The following PIP4K2A variants were observed in gnomAD, a reference collection of about 807,000 sequenced individuals.
PIP4K2A encodes the protein phosphatidylinositol 5-phosphate 4-kinase type-2 alpha.
PIP4K2A carries 14 observed loss-of-function variants against 42.9 expected under a neutral mutation model. That is an observed-to-expected ratio of 0.33 (90% CI 0.22 to 0.51). The LOEUF (loss-of-function observed/expected upper bound fraction) is 0.51. Among genes scored for constraint, PIP4K2A ranks in the 20% least tolerant of loss-of-function variants. PIP4K2A has a pLI of 0.97. For synonymous variants in PIP4K2A, 192 were observed against 192.2 expected (o/e 1.00, Z 0.01); for missense variants, 434 against 519.8 (o/e 0.83, Z 1.61).
intron 1 of PIP4K2A, among the ~76,000 whole-genome samples, chr10:22,666,782 T>C (rs1320956431): frequency 6.6e-6 from 1 of 152,198 alleles, no homozygotes; most frequent in Non-Finnish European, 1.5e-5. Context: ...CTACTACCCC[T>C]TTGCTCCCCG....
rs568047005 is a variant in PIP4K2A at position 22,652,490 on chromosome 10, C to G, written c.145-42773G>C. Among the ~76,000 whole-genome samples the G allele has an allele frequency of 1.4e-4, 22 of 152,264 alleles. No individual in the cohort carries two copies. The South Asian group carries it at 4.6e-3, about 32-fold the overall frequency. On this transcript the variant is annotated intron_variant, in intron 1 of 9. Transcript: ENST00000376573. The stretch of plus-strand genomic sequence containing the variant: ...ACTGAATTGTGACATTTTGAGACAT[C>G]TCCCTCTGCAAAGCAATGTCTTCGT...
In PIP4K2A at chr10:22,540,130, T is replaced by C. The variant is rs112020551; in HGVS notation, c.1037-56A>G. On this transcript the variant is annotated intron_variant, in intron 8 of 9. Coordinates refer to ENST00000376573, the MANE Select transcript of PIP4K2A (RefSeq NM_005028.5). ...ACATGTGACAACACCAGTGCCAGCA[T>C]TGCTGCTGAGGGAGGGAGGGAGGGA... The C allele has an allele frequency of 3.9e-3, 3,430 of 872,662 alleles. 82 individuals carry two copies. In the African/African-American group the frequency reaches 0.047, roughly 12 times the overall value. 54.1% of individuals were successfully genotyped at this position (872,662 alleles called of 1,614,324 possible).
chr10:22,659,397 G>C (rs1052187142), intron 1 of PIP4K2A, among the ~76,000 whole-genome samples: 3 of 152,120 alleles, frequency 2.0e-5, no homozygotes, highest in Non-Finnish European at 4.4e-5. Context: ...GTTTGAGACC[G>C]GCCTAGCCAA....
intron 1 of PIP4K2A, among the ~76,000 whole-genome samples, chr10:22,683,629 G>T (rs1003270254): frequency 6.6e-6 from 1 of 152,134 alleles, no homozygotes; most frequent in African/African-American, 2.4e-5. Flanking sequence ...CCCTCAAGCA[G>T]CAACTGCTTT....
At chr10:22,636,671 A>C (rs1227517591) in intron 1 of PIP4K2A, among the ~76,000 whole-genome samples, 1 of 152,222 alleles carries the variant, frequency 6.6e-6, no homozygotes, top group Admixed American at 6.5e-5. Flanking sequence ...ATGTCCTTCA[A>C]GTCTGTAGTA....
chr10:22,545,448 C>A (rs1836238106), intron 7 of PIP4K2A, among the ~76,000 whole-genome samples: 1 of 152,236 alleles, frequency 6.6e-6, no homozygotes, highest in African/African-American at 2.4e-5. Context: ...CAGGGTGAGC[C>A]TCCAGGGCCC....
rs369982282 is a variant in PIP4K2A at position 22,694,824 on chromosome 10, GT to G, written c.144+19358del. On this transcript the variant is annotated intron_variant, in intron 1 of 9. Transcript: ENST00000376573. ...TTAAAATTTTCAATAAATGTAAAAA[GT>G]TTTTTATTTTCAACCCTCTTTATCC... is the stretch of plus-strand genomic sequence containing the variant. Among the ~76,000 whole-genome samples, 25 of 152,194 alleles carry G rather than the reference GT, an allele frequency of 1.6e-4. 1 individual carries two copies. The highest frequency in any genetic ancestry group is 5.5e-4 in the African/African-American group (23 of 41,506).
At chr10:22,651,068 C>T (rs1183619965) in intron 1 of PIP4K2A, among the ~76,000 whole-genome samples, 2 of 152,176 alleles carry the variant, frequency 1.3e-5, no homozygotes, top group African/African-American at 2.4e-5. Context: ...TTAACATCTC[C>T]ATTTAGAGGG....
At chr10:22,632,569 C>A (rs1334360384) in intron 1 of PIP4K2A, among the ~76,000 whole-genome samples, 1 of 152,186 alleles carries the variant, frequency 6.6e-6, no homozygotes, top group Non-Finnish European at 1.5e-5. Context: ...TTCTCTCACA[C>A]CCCACTGGGA....
chr10:22,601,249 T>A (rs1386457951), intron 3 of PIP4K2A, among the ~76,000 whole-genome samples: 1 of 150,086 alleles, frequency 6.7e-6, no homozygotes, highest in African/African-American at 2.4e-5. Flanking sequence ...TGACTGGCTG[T>A]CAGCTCTCTG....
intron 5 of PIP4K2A, among the ~76,000 whole-genome samples, chr10:22,571,758 T>C (rs1189285356): frequency 6.6e-6 from 1 of 152,240 alleles, no homozygotes; most frequent in African/African-American, 2.4e-5. Context: ...AAACATGCTT[T>C]AACAACTTTC....
In PIP4K2A at chr10:22,705,426, T is replaced by TA. The variant is rs150254345; in HGVS notation, c.144+8756dup. On this transcript the variant is annotated intron_variant, in intron 1 of 9. Transcript: ENST00000376573. Reference sequence around the variant, plus strand: ...TACGTATTATATTCAGTACCCCAGTTAAAAAAAAAAAAAAAAAAAAAAAAA... The same window carrying TA: ...TACGTATTATATTCAGTACCCCAGTTAAAAAAAAAAAAAAAAAAAAAAAAAA... Among the ~76,000 whole-genome samples, 151 of 29,270 alleles carry TA rather than the reference T, an allele frequency of 5.2e-3. 31 individuals are homozygous for TA. The highest frequency in any genetic ancestry group is 0.015 in the East Asian group (8 of 530). The allele number at this position is 29,270 out of a possible 152,430, so 19.2% of individuals were successfully genotyped here. A position where few individuals can be genotyped will look rare whatever the true frequency, so the allele number is the denominator to read the frequency against.
chr10:22,688,192 AAAG>A (rs1212947976), intron 1 of PIP4K2A, among the ~76,000 whole-genome samples: 1 of 152,200 alleles, frequency 6.6e-6, no homozygotes, highest in Non-Finnish European at 1.5e-5. Context: ...AAATATTTTT[AAAG>A]AAGAAAATTT....
chr10:22,643,821 C>G (rs565179346), intron 1 of PIP4K2A, among the ~76,000 whole-genome samples: 1 of 152,142 alleles, frequency 6.6e-6, no homozygotes, highest in East Asian at 1.9e-4. Flanking sequence ...CCCATTCCCT[C>G]CTCCTCCCTG....
intron 1 of PIP4K2A, among the ~76,000 whole-genome samples, chr10:22,652,759 C>G (rs2076462289): frequency 6.6e-6 from 1 of 152,214 alleles, no homozygotes. Flanking sequence ...GAATTCCCAA[C>G]TGAAAACGCT....
At position 22,664,228 on chromosome 10, in the gene PIP4K2A, T is replaced by TACATATATATATAC. The variant is rs1839304174; in HGVS notation, c.144+49954_144+49955insGTATATATATATGT. Among the ~76,000 whole-genome samples, 8 of 89,856 alleles carry TACATATATATATAC rather than the reference T, an allele frequency of 8.9e-5. 1 individual carries two copies. The highest frequency in any genetic ancestry group is 6.1e-4 in the South Asian group (2 of 3,300). 58.9% of individuals were successfully genotyped at this position (89,856 alleles called of 152,430 possible). A position where few individuals can be genotyped will look rare whatever the true frequency, so the allele number is the denominator to read the frequency against. Reference sequence around the variant, plus strand: ...ACATATATATATATACATATATATATACACACACACACACACACACACATA... The same window carrying TACATATATATATAC: ...ACATATATATATATACATATATATATACATATATATATACACACACACACACACACACACACATA... On this transcript the variant is annotated intron_variant, in intron 1 of 9. Coordinates refer to ENST00000376573, the MANE Select transcript of PIP4K2A (RefSeq NM_005028.5).
Position 22,537,065 on chromosome 10 carries a change from C to A in PIP4K2A, c.*136G>T, listed in dbSNP as rs1293665807. On this transcript the variant is annotated 3_prime_UTR_variant, in exon 10 of 10. Transcript: ENST00000376573. ...AGCGAGTAGCCCCCAAATCAGTCATCTTGGCCTGAAGATGTAAACAAGGAG... is the reference window on the plus strand; with the variant it reads ...AGCGAGTAGCCCCCAAATCAGTCATATTGGCCTGAAGATGTAAACAAGGAG... The A allele has an allele frequency of 3.1e-6, 2 of 647,194 alleles. No individual in the cohort carries two copies. Among genetic ancestry groups the A allele is most frequent in the Non-Finnish European group, 5.5e-6 (2 of 366,418 alleles). The allele number at this position is 647,194 out of a possible 1,614,324, so 40.1% of individuals were successfully genotyped here. A position where few individuals can be genotyped will look rare whatever the true frequency, so the allele number is the denominator to read the frequency against.
intron 1 of PIP4K2A, among the ~76,000 whole-genome samples, chr10:22,683,973 C>T (rs576927972): frequency 3.9e-5 from 6 of 152,230 alleles, no homozygotes; most frequent in African/African-American, 1.4e-4. Context: ...CAATAAGCAC[C>T]ACATCGGCCA....
chr10:22,552,508 C>T (rs1363082619), intron 6 of PIP4K2A, among the ~76,000 whole-genome samples: 1 of 152,006 alleles, frequency 6.6e-6, no homozygotes, highest in Non-Finnish European at 1.5e-5. Flanking sequence ...GTGAAGACAG[C>T]ACAATATTAA....
Sources: allele counts gnomAD v4.1 joint callset (sites outside exome capture counted in the v4.1 genomes callset), GRCh38; gene constraint gnomAD v4.1.1; transcripts MANE v1.5; gene names NCBI Gene and HGNC (gene_info 2026-07-23, HGNC 2026-07-21).